AGPAT4: variants seen among roughly 807,000 people sequenced by gnomAD.
AGPAT4 encodes 1-acylglycerol-3-phosphate O-acyltransferase 4, also known as 1-acyl-sn-glycerol-3-phosphate acyltransferase delta.
A neutral mutation model predicts 48.0 loss-of-function variants in AGPAT4; 15 were observed. The observed-to-expected ratio is 0.31, with a 90% CI of 0.21 to 0.48. The LOEUF (loss-of-function observed/expected upper bound fraction) is 0.48. Ranked by LOEUF, AGPAT4 falls within the 20% of genes least tolerant of loss-of-function variation. AGPAT4 has a pLI of 0.99. For synonymous variants in AGPAT4, 178 were observed against 198.7 expected, an observed-to-expected ratio of 0.90 and a Z score of 0.88; for missense variants, 314 against 482.5, an observed-to-expected ratio of 0.65 and a Z score of 3.27.
Position 161,270,804 on chromosome 6 carries a change from C to T in AGPAT4, c.-90+3134G>A, listed in dbSNP as rs1379444999. Among the ~76,000 whole-genome samples the T allele has an allele frequency of 4.6e-5, 7 of 151,938 alleles. No individual in the cohort carries two copies. Among genetic ancestry groups the T allele is most frequent in the African/African-American group, 1.5e-4 (6 of 41,378 alleles). ...CTCAAAAAAAAAATAAATGTGAATGCGGCTTTGTCCCATAACCATCAGACC... is the reference window on the plus strand; with the variant it reads ...CTCAAAAAAAAAATAAATGTGAATGTGGCTTTGTCCCATAACCATCAGACC... On this transcript the variant is annotated intron_variant, in intron 1 of 8. Coordinates refer to ENST00000320285, the MANE Select transcript of AGPAT4 (RefSeq NM_020133.3). The surrounding 1 kb of genome is among the most constrained non-coding windows in gnomAD (Gnocchi z 5.3).
rs373069973 is a variant in AGPAT4 at position 161,204,283 on chromosome 6, A to G, written c.178+27753T>C. The stretch of plus-strand genomic sequence containing the variant: ...TATAAAGGTAGTGTATATGTTAAAT[A>G]TGTCTGAAATTTGAGGAGATGATCT... On this transcript the variant is annotated intron_variant, in intron 2 of 8. Transcript: ENST00000320285. This position sits in a 1 kb window ranked among gnomAD's most constrained non-coding sequence, Gnocchi z 4.4. Among the ~76,000 whole-genome samples the G allele has an allele frequency of 3.5e-3, 526 of 152,342 alleles. 3 individuals are homozygous for G. The highest frequency in any genetic ancestry group is 0.012 in the African/African-American group (498 of 41,592).
intron 1 of AGPAT4, among the ~76,000 whole-genome samples, chr6:161,237,792 C>T (rs868839947): frequency 1.3e-5 from 2 of 152,024 alleles, no homozygotes; most frequent in African/African-American, 2.4e-5. Flanking sequence ...CCATTCTGAG[C>T]ACAGAACTGG....
Position 161,195,379 on chromosome 6 carries a change from TA to T in AGPAT4, c.179-28963del, listed in dbSNP as rs533550964. On this transcript the variant is annotated intron_variant, in intron 2 of 8. Coordinates refer to ENST00000320285, the MANE Select transcript of AGPAT4 (RefSeq NM_020133.3). This position sits in a 1 kb window ranked among gnomAD's most constrained non-coding sequence, Gnocchi z 5.0. ...TGCAGGACAACCATTGGGCGGGTTA[TA>T]AACACCTTTCATTATATGGCATGAC... Among the ~76,000 whole-genome samples, 8 of 152,328 alleles carry T rather than the reference TA, an allele frequency of 5.3e-5. No homozygotes were observed. The East Asian group carries it at 1.5e-3, about 29-fold the overall frequency.
At position 161,231,650 on chromosome 6, in the gene AGPAT4, A is replaced by G. The variant is rs1307591174; in HGVS notation, c.178+386T>C. Among the ~76,000 whole-genome samples, 1 of 152,232 alleles carries G rather than the reference A, an allele frequency of 6.6e-6. No individual in the cohort carries two copies. Among genetic ancestry groups the G allele is most frequent in the East Asian group, 1.9e-4 (1 of 5,200 alleles). On this transcript the variant is annotated intron_variant, in intron 2 of 8. Coordinates refer to ENST00000320285, the MANE Select transcript of AGPAT4 (RefSeq NM_020133.3). The surrounding 1 kb of genome is among the most constrained non-coding windows in gnomAD (Gnocchi z 5.3). ...GTTTTTTAAAAAAAAATACGTATGT[A>G]TATGTATCTATATAGATATATACAC...
intron 2 of AGPAT4, among the ~76,000 whole-genome samples, chr6:161,224,640 CAAA>C (rs71543000): frequency 3.8e-5 from 3 of 78,670 alleles, no homozygotes; most frequent in Admixed American, 1.6e-4. Context: ...GACTCCTTCT[CAAA>C]AAAAAAAAAA....
rs1241206816 is a variant in AGPAT4, at chr6:161,158,479, C to T, written c.349-4169G>A. Among the ~76,000 whole-genome samples the T allele has an allele frequency of 1.3e-5, 2 of 152,168 alleles. No homozygotes were observed. Among genetic ancestry groups the T allele is most frequent in the Admixed American group, 6.5e-5 (1 of 15,276 alleles). Reference sequence around the variant, plus strand: ...TAAAATTTTCACGTGGAGTAAACCACTATGGAGAGAGAGAGTGAAAGAGAG... The same window carrying T: ...TAAAATTTTCACGTGGAGTAAACCATTATGGAGAGAGAGAGTGAAAGAGAG... On this transcript the variant is annotated intron_variant, in intron 3 of 8. Transcript: ENST00000320285. The surrounding 1 kb of genome is among the most constrained non-coding windows in gnomAD (Gnocchi z 5.3).
chr6:161,209,064 G>C (rs1166838127), intron 2 of AGPAT4, among the ~76,000 whole-genome samples: 3 of 152,170 alleles, frequency 2.0e-5, no homozygotes, highest in South Asian at 2.1e-4. Context: ...AAAGAAGTTG[G>C]GTTGCCCATA....
rs1272144872 is a variant in AGPAT4 at position 161,178,972 on chromosome 6, A to C, written c.179-12555T>G. Among the ~76,000 whole-genome samples, 1 of 152,200 alleles carries C rather than the reference A, an allele frequency of 6.6e-6. No individual in the cohort carries two copies. ...TGGAAATCTCACAGAGCTGGTGCCC[A>C]GTTCCTCAGGGTGATGACCGGAGAG... On this transcript the variant is annotated intron_variant, in intron 2 of 8. Coordinates refer to ENST00000320285, the MANE Select transcript of AGPAT4 (RefSeq NM_020133.3). The surrounding 1 kb of genome is among the most constrained non-coding windows in gnomAD (Gnocchi z 5.1).
rs1002432839 is a variant in AGPAT4 at position 161,200,097 on chromosome 6, G to A, written c.178+31939C>T. Among the ~76,000 whole-genome samples, 4 of 152,204 alleles carry A rather than the reference G, an allele frequency of 2.6e-5. No individual in the cohort carries two copies. Among genetic ancestry groups the A allele is most frequent in the Admixed American group, 6.5e-5 (1 of 15,290 alleles). ...TTCTAAGGGCCTAACTCTGCATTGC[G>A]ACGAATGTGCACAGAAAGAGGAAGG... On this transcript the variant is annotated intron_variant, in intron 2 of 8. Transcript: ENST00000320285. The surrounding 1 kb of genome is among the most constrained non-coding windows in gnomAD (Gnocchi z 5.5).
Position 161,142,319 on chromosome 6 carries a change from G to A in AGPAT4, c.844-2699C>T, listed in dbSNP as rs777433042. ...TCCAGGCTCTGGCAGCAGAATGTCC[G>A]TGGCCCATCTTGGTTGTGGACCCGT... On this transcript the variant is annotated intron_variant, in intron 7 of 8. Transcript: ENST00000320285. This position sits in a 1 kb window ranked among gnomAD's most constrained non-coding sequence, Gnocchi z 6.4. Among the ~76,000 whole-genome samples the A allele has an allele frequency of 6.6e-6, 1 of 152,184 alleles. No homozygotes were observed. The highest frequency in any genetic ancestry group is 1.5e-5 in the Non-Finnish European group (1 of 68,042).
rs1669995801 is a variant in AGPAT4 at position 161,142,394 on chromosome 6, TGTGTGTTACC to T, written c.844-2784_844-2775del. Among the ~76,000 whole-genome samples the T allele has an allele frequency of 6.6e-6, 1 of 152,210 alleles. No homozygotes were observed. ...GGAAAGGACTCGTGTTTTTTGTTTT[TGTGTGTTACC>T]GTGTGGCATAGTATAAAGTTGGAAC... is the stretch of plus-strand genomic sequence containing the variant. On this transcript the variant is annotated intron_variant, in intron 7 of 8. Coordinates refer to ENST00000320285, the MANE Select transcript of AGPAT4 (RefSeq NM_020133.3). The surrounding 1 kb of genome is among the most constrained non-coding windows in gnomAD (Gnocchi z 6.4).
At chr6:161,136,991 A>T (rs540535870) in intron 8 of AGPAT4, among the ~76,000 whole-genome samples, 1 of 152,330 alleles carries the variant, frequency 6.6e-6, no homozygotes, top group South Asian at 2.1e-4. Context: ...CAGGAAGTTA[A>T]CAGGGCATGT....
Position 161,264,543 on chromosome 6 carries a change from C to A in AGPAT4, c.-90+9395G>T, listed in dbSNP as rs1267060634. Among the ~76,000 whole-genome samples, 1 of 152,180 alleles carries A rather than the reference C, an allele frequency of 6.6e-6. No individual in the cohort carries two copies. The highest frequency in any genetic ancestry group is 1.5e-5 in the Non-Finnish European group (1 of 68,030). On this transcript the variant is annotated intron_variant, in intron 1 of 8. Coordinates refer to ENST00000320285, the MANE Select transcript of AGPAT4 (RefSeq NM_020133.3). The surrounding 1 kb of genome is among the most constrained non-coding windows in gnomAD (Gnocchi z 6.8). Reference sequence around the variant, plus strand: ...GACTGGGCAGGGGTGGTGAGGTGGTCCCCCTGGCGTGCCCGCGCATCCCTG... The same window carrying A: ...GACTGGGCAGGGGTGGTGAGGTGGTACCCCTGGCGTGCCCGCGCATCCCTG...
At position 161,262,830 on chromosome 6, in the gene AGPAT4, A is replaced by G. The variant is rs1783140469; in HGVS notation, c.-90+11108T>C. Among the ~76,000 whole-genome samples the G allele has an allele frequency of 6.6e-6, 1 of 152,194 alleles. No homozygotes were observed. Among genetic ancestry groups the G allele is most frequent in the African/African-American group, 2.4e-5 (1 of 41,444 alleles). On this transcript the variant is annotated intron_variant, in intron 1 of 8. Transcript: ENST00000320285. This position sits in a 1 kb window ranked among gnomAD's most constrained non-coding sequence, Gnocchi z 4.9. The stretch of plus-strand genomic sequence containing the variant: ...TCCAGTGAAAAAAACCTCTAGGAGA[A>G]CATGAGGATAACGTCATAAACAGTG...
intron 1 of AGPAT4, among the ~76,000 whole-genome samples, chr6:161,271,152 A>G (rs1184294949): frequency 1.3e-5 from 2 of 152,224 alleles, no homozygotes; most frequent in Admixed American, 6.5e-5. Flanking sequence ...ACCAGCACAG[A>G]GTATACCTGC....
In AGPAT4 at chr6:161,203,513, CA is replaced by C. The variant is rs549476466; in HGVS notation, c.178+28522del. Reference sequence around the variant, plus strand: ...AAGCGATTCTCCTGCCCCGGCCCCCCAAGAAGCTGGGATTACAGGCGCCTGC... The same window carrying C: ...AAGCGATTCTCCTGCCCCGGCCCCCCAGAAGCTGGGATTACAGGCGCCTGC... On this transcript the variant is annotated intron_variant, in intron 2 of 8. Coordinates refer to ENST00000320285, the MANE Select transcript of AGPAT4 (RefSeq NM_020133.3). 6.7e-4 allele frequency among the ~76,000 whole-genome samples: 102 copies of C among 151,874 alleles called. 2 individuals are homozygous for C. The East Asian group carries it at 0.019, about 28-fold the overall frequency.
In AGPAT4 at chr6:161,261,270, G is replaced by A. The variant is rs761310233; in HGVS notation, c.-90+12668C>T. ...GAATGTGGCCACTTACTGACTGCAC[G>A]AGTCCATGAGACAAACAACAGAAAA... On this transcript the variant is annotated intron_variant, in intron 1 of 8. Coordinates refer to ENST00000320285, the MANE Select transcript of AGPAT4 (RefSeq NM_020133.3). The surrounding 1 kb of genome is among the most constrained non-coding windows in gnomAD (Gnocchi z 5.3). Among the ~76,000 whole-genome samples the A allele has an allele frequency of 9.2e-5, 14 of 152,154 alleles. No homozygotes were observed. Among genetic ancestry groups the A allele is most frequent in the Admixed American group, 8.5e-4 (13 of 15,278 alleles).
rs1779647487 is a variant in AGPAT4 at position 161,153,374 on chromosome 6, G to A, written c.636C>T (p.Ala212=). 2 of 1,610,134 alleles carry A rather than the reference G, an allele frequency of 1.2e-6. No homozygotes were observed. Among genetic ancestry groups the A allele is most frequent in the African/African-American group, 1.3e-5 (1 of 74,882 alleles). Reference sequence around the variant, plus strand: ...CATTTCTCAAGCTCCTCACGGTGATGGCGAAGCCCTTGGTTCGTGGCAACA... The same window carrying A: ...CATTTCTCAAGCTCCTCACGGTGATAGCGAAGCCCTTGGTTCGTGGCAACA... ...HHLLPRTKGF[A]ITVRSLRNVV... The change falls in exon 5 of 9, where the codon GCC becomes GCT. Residue 212 remains alanine (A), a synonymous_variant. Coordinates refer to ENST00000320285, the MANE Select transcript of AGPAT4 (RefSeq NM_020133.3).
intron 2 of AGPAT4, among the ~76,000 whole-genome samples, chr6:161,173,145 T>C (rs1016518308): frequency 6.6e-6 from 1 of 152,358 alleles, no homozygotes; most frequent in Middle Eastern, 3.4e-3. Flanking sequence ...TTATAATCCT[T>C]TGGGTATATA....
Sources: allele counts gnomAD v4.1 joint callset (sites outside exome capture counted in the v4.1 genomes callset), GRCh38; gene constraint gnomAD v4.1.1; non-coding constraint Gnocchi (gnomAD v3.1); transcripts MANE v1.5; gene names NCBI Gene and HGNC (gene_info 2026-07-23, HGNC 2026-07-21).